Variants in CDK11B observed in about 807,000 individuals in gnomAD.
CDK11B encodes cyclin-dependent kinase 11B.
CDK11B carries 37 observed loss-of-function variants against 84.0 expected under a neutral mutation model. That is an observed-to-expected ratio of 0.44 (90% confidence interval 0.34 to 0.58). The LOEUF (loss-of-function observed/expected upper bound fraction) is 0.58. CDK11B is among the 20% of genes least tolerant of loss of function. The pLI is 0.02. For synonymous variants in CDK11B, 269 were observed against 309.8 expected (o/e 0.87, Z 1.38); for missense variants, 427 against 834.0 (o/e 0.51, Z 6.01).
At chr1:1,646,544 C>T in intron 5 of CDK11B, 1 of 519,136 alleles carries the variant, frequency 1.9e-6, no homozygotes, top group Non-Finnish European at 3.9e-6. Context: ...TCCAGTAAAA[C>T]CTAAGATGTG....
intron 9 of CDK11B, 99 bp from the exon 10 acceptor site, chr1:1,641,212 A>G: frequency 1.9e-6 from 3 of 1,563,336 alleles, no homozygotes; most frequent in Non-Finnish European, 2.6e-6. Context: ...AAGTGTTCCC[A>G]AGAATGGATA....
chr1:1,639,490 G>C (rs1639922389), intron 11 of CDK11B, among the ~76,000 whole-genome samples: 1 of 152,068 alleles, frequency 6.6e-6, no homozygotes, highest in East Asian at 1.9e-4. Context: ...ATGACACTGA[G>C]GACGGGCCCT....
In CDK11B at chr1:1,649,605, C is replaced by G; in HGVS notation, c.388G>C (p.Glu130Gln). 1.9e-6 allele frequency: 3 copies of G among 1,609,536 alleles called. No homozygotes were observed. Among genetic ancestry groups the G allele is most frequent in the Middle Eastern group, 1.7e-4 (1 of 6,060 alleles). ...CGATGCCGTTTCCGACGTTCGTGCT[C>G]TCTTTCTTTTTCTTTCACTCTAGCA... ...KHARVKEKER[E>Q]HERRKRHREE... The change falls in exon 5 of 20, where the codon GAG becomes CAG. Residue 130 changes from glutamate to glutamine, a missense_variant. Glu to Gln is a conservative substitution (Grantham distance 29). Transcript: ENST00000341832.
At chr1:1,654,232 T>C (rs985233867) in intron 3 of CDK11B, 3 of 445,986 alleles carry the variant, frequency 6.7e-6, no homozygotes, top group African/African-American at 2.0e-5. Context: ...AAACAGTTCA[T>C]GGCACAGGAA....
chr1:1,650,086 C>G (rs1475507773), intron 4 of CDK11B, among the ~76,000 whole-genome samples: 3 of 149,334 alleles, frequency 2.0e-5, no homozygotes, highest in Non-Finnish European at 3.0e-5. Flanking sequence ...CTGGCTAACA[C>G]GGTGAAACCC....
At chr1:1,650,156 G>C (rs1372583932) in intron 4 of CDK11B, among the ~76,000 whole-genome samples, 1 of 149,192 alleles carries the variant, frequency 6.7e-6, no homozygotes, top group African/African-American at 2.5e-5. Context: ...TGTAGTCCCA[G>C]CTACTCGGGA....
chr1:1,640,452 A>C lies in CDK11B; in HGVS notation c.1076T>G (p.Val359Gly), dbSNP rs1361466218. The change falls in exon 11 of 20, where the codon GTT becomes GGT. Residue 359 changes from valine (V) to glycine (G), a missense_variant and splice_region_variant. Around this residue, in one of 12 missense-constraint regions of CDK11B, gnomAD observed 8 missense variants for 41.3 expected, o/e 0.19. Transcript: ENST00000341832. ...ERENENHLLVVPESRFDRDSG... is the reference protein window; with the variant it reads ...ERENENHLLVGPESRFDRDSG... ...ATCTCGGTCGAACCGTGACTCTGGA[A>C]CTGGAAAAGTTGAACCTAATTACGA... 6.2e-7 allele frequency: 1 copy of C among 1,613,796 alleles called. No homozygotes were observed. The highest frequency in any genetic ancestry group is 8.5e-7 in the Non-Finnish European group (1 of 1,179,690).
chr1:1,650,638 T>C (rs2100937815), intron 4 of CDK11B, among the ~76,000 whole-genome samples: 1 of 149,888 alleles, frequency 6.7e-6, no homozygotes, highest in South Asian at 2.1e-4. Flanking sequence ...GTGTGGGGAT[T>C]ACAGTTGTGA....
chr1:1,647,525 G>A (rs1487397524), intron 5 of CDK11B, among the ~76,000 whole-genome samples: 6 of 152,220 alleles, frequency 3.9e-5, no homozygotes, highest in Non-Finnish European at 8.8e-5. Context: ...AAAAGGCTGG[G>A]CTCAAATACC....
intron 2 of CDK11B, among the ~76,000 whole-genome samples, chr1:1,656,761 G>A (rs1323741053): frequency 6.6e-6 from 1 of 152,096 alleles, no homozygotes; most frequent in East Asian, 1.9e-4. Context: ...CAAAAAAAAA[G>A]CTAACAAAGT....
intron 3 of CDK11B, among the ~76,000 whole-genome samples, chr1:1,653,848 ACACACACACACACAC>A (rs1557430224): frequency 3.3e-5 from 5 of 149,884 alleles, no homozygotes; most frequent in East Asian, 4.1e-4. Flanking sequence ...ACACACACAC[ACACACACACACACAC>A]CCGAGCGTGG....
At chr1:1,636,863 G>A (rs764904284) in intron 16 of CDK11B, 34 bp downstream of exon 16, 2 of 1,611,570 alleles carry the variant, frequency 1.2e-6, no homozygotes, top group East Asian at 2.2e-5. Context: ...GCTGCGTGGG[G>A]GACAGGGGAG....
rs376626380 is a variant in CDK11B, at chr1:1,639,394, G to A, written c.1252-804C>T. ...ATTAAGCCACTCCACTCCGGCCTGGGTGACAGAGACAGACCCAGTCTCCAA... is the reference window on the plus strand; with the variant it reads ...ATTAAGCCACTCCACTCCGGCCTGGATGACAGAGACAGACCCAGTCTCCAA... On this transcript the variant is annotated intron_variant, in intron 11 of 19. Transcript: ENST00000341832. Among the ~76,000 whole-genome samples, 19 of 151,806 alleles carry A rather than the reference G, an allele frequency of 1.3e-4. No homozygotes were observed. In the East Asian group the frequency reaches 2.5e-3, roughly 20 times the overall value.
At chr1:1,650,281 A>AAAAAAAAAAAAAAAAAAAAAAAAAAAAG (rs1641798674) in intron 4 of CDK11B, among the ~76,000 whole-genome samples, 2 of 147,412 alleles carry the variant, frequency 1.4e-5, no homozygotes, top group Non-Finnish European at 3.0e-5. Context: ...AAAAAAAAAA[A>AAAAAAAAAAAAAAAAAAAAAAAAAAAAG]AAAGAAATTA....
intron 17 of CDK11B, 42 bp downstream of exon 17, chr1:1,636,640 C>T (rs374918501): frequency 2.5e-5 from 41 of 1,612,814 alleles, no homozygotes; most frequent in Non-Finnish European, 3.2e-5. Context: ...CCTGCAACTC[C>T]TCCACAACCC....
In CDK11B at chr1:1,637,751, G is replaced by T; in HGVS notation, c.1464+11C>A. 1 of 1,613,716 alleles carries T rather than the reference G, an allele frequency of 6.2e-7. No individual in the cohort carries two copies. Among genetic ancestry groups the T allele is most frequent in the Non-Finnish European group, 8.5e-7 (1 of 1,179,696 alleles). The stretch of plus-strand genomic sequence containing the variant: ...TCCACCCGGGGCCAGGCGTGGTGGG[G>T]CCATGCTCACTCTAACGGTGACGAT... On this transcript the variant is annotated intron_variant, in intron 13 of 19. Transcript: ENST00000341832.
chr1:1,639,102 G>C (rs1305584911), intron 11 of CDK11B, among the ~76,000 whole-genome samples: 1 of 151,544 alleles, frequency 6.6e-6, no homozygotes, highest in Non-Finnish European at 1.5e-5. Flanking sequence ...CACCACGCCA[G>C]GCTAATTTTT....
At position 1,649,617 on chromosome 1, in the gene CDK11B, C is replaced by G; in HGVS notation, c.376G>C (p.Glu126Gln). 6.2e-7 allele frequency: 1 copy of G among 1,610,354 alleles called. No individual in the cohort carries two copies. Among genetic ancestry groups the G allele is most frequent in the South Asian group, 1.1e-5 (1 of 91,022 alleles). Residue 126 changes from glutamate (E) to glutamine (Q), a missense_variant, in exon 5 of 20, where the codon GAA becomes CAA. This residue lies in a region of CDK11B where 71 missense variants were observed against 66.2 expected (regional missense o/e 1.07). Coordinates refer to ENST00000341832, the MANE Select transcript of CDK11B (RefSeq NM_033486.3). ...AEGGKHARVK[E>Q]KEREHERRKR... ...CGACGTTCGTGCTCTCTTTCTTTTT[C>G]TTTCACTCTAGCATGCTTCCCTAAT... is the stretch of plus-strand genomic sequence containing the variant.
At chr1:1,657,086 T>C (rs1279306900) in intron 2 of CDK11B, among the ~76,000 whole-genome samples, 1 of 52,656 alleles carries the variant, frequency 1.9e-5, no homozygotes, top group Non-Finnish European at 4.2e-5. Context: ...ATGAACATAC[T>C]AATGAACCGA....
Sources: allele counts gnomAD v4.1 joint callset (sites outside exome capture counted in the v4.1 genomes callset), GRCh38; gene constraint gnomAD v4.1.1; regional missense constraint gnomAD v4.1.1; transcripts MANE v1.5; gene names NCBI Gene and HGNC (gene_info 2026-07-23, HGNC 2026-07-21).